DOK6: variants seen among roughly 807,000 people sequenced by gnomAD.
DOK6 encodes the protein downstream of tyrosine kinase 6.
Under a neutral mutation model 44.0 loss-of-function variants are expected in DOK6, and 22 were observed. The observed-to-expected ratio is 0.50, with a 90% CI of 0.36 to 0.71. The LOEUF (loss-of-function observed/expected upper bound fraction) is 0.71. Among genes scored for constraint, DOK6 ranks in the 30% least tolerant of loss-of-function variants. DOK6 has a pLI of 0.00. For synonymous variants in DOK6, 166 were observed against 145.5 expected, an observed-to-expected ratio of 1.14 and a Z score of -1.01; for missense variants, 340 against 416.4, an observed-to-expected ratio of 0.82 and a Z score of 1.60.
chr18:69,670,729 C>T (rs1985777866), intron 3 of DOK6, among the ~76,000 whole-genome samples: 1 of 151,998 alleles, frequency 6.6e-6, no homozygotes, highest in Non-Finnish European at 1.5e-5. Flanking sequence ...AGGATGGTCT[C>T]AATCTCTTGA....
intron 1 of DOK6, among the ~76,000 whole-genome samples, chr18:69,540,961 G>A (rs560291730): frequency 3.7e-4 from 57 of 152,106 alleles, no homozygotes; most frequent in Non-Finnish European, 7.2e-4. Flanking sequence ...GCAGAAATTC[G>A]CCATTAAGTT....
intron 1 of DOK6, among the ~76,000 whole-genome samples, chr18:69,447,851 G>C (rs1302858855): frequency 2.0e-5 from 3 of 152,136 alleles, no homozygotes; most frequent in African/African-American, 4.8e-5. Flanking sequence ...TTCTTCCCTG[G>C]AGTTTGGTTA....
At chr18:69,752,262 A>T (rs986188269) in intron 6 of DOK6, among the ~76,000 whole-genome samples, 7 of 152,170 alleles carry the variant, frequency 4.6e-5, no homozygotes, top group African/African-American at 1.7e-4. Flanking sequence ...TTTTTTAAAA[A>T]ATCCTACAAG....
At chr18:69,554,667 A>G (rs1453514763) in intron 1 of DOK6, among the ~76,000 whole-genome samples, 1 of 152,196 alleles carries the variant, frequency 6.6e-6, no homozygotes, top group African/African-American at 2.4e-5. Flanking sequence ...TAGAATTGCT[A>G]GAGCCTGTGT....
intron 3 of DOK6, among the ~76,000 whole-genome samples, chr18:69,629,629 A>G (rs1299927903): frequency 6.6e-6 from 1 of 152,200 alleles, no homozygotes; most frequent in Non-Finnish European, 1.5e-5. Context: ...TATATCTCCA[A>G]TCACAACTCA....
chr18:69,521,841 A>T (rs1981695553), intron 1 of DOK6, among the ~76,000 whole-genome samples: 1 of 152,024 alleles, frequency 6.6e-6, no homozygotes, highest in Non-Finnish European at 1.5e-5. Context: ...TATGCTAATT[A>T]TCTTGATTTG....
At chr18:69,807,417 A>G (rs1456819488) in intron 7 of DOK6, among the ~76,000 whole-genome samples, 2 of 151,980 alleles carry the variant, frequency 1.3e-5, no homozygotes, top group African/African-American at 4.8e-5. Flanking sequence ...AACAATTAGC[A>G]AAATAGCAGT....
rs144664332 is a variant in DOK6 at position 69,618,151 on chromosome 18, C to G, written c.289+18653C>G. Among the ~76,000 whole-genome samples the G allele has an allele frequency of 2.6e-3, 393 of 152,232 alleles. 2 individuals are homozygous for G. Among genetic ancestry groups the G allele is most frequent in the African/African-American group, 9.0e-3 (372 of 41,528 alleles). ...ATGGGAAAGATTCTCCCTCAGCCCT[C>G]CAGAAGAAGCCAACCATGCACTTAG... is the stretch of plus-strand genomic sequence containing the variant. On this transcript the variant is annotated intron_variant, in intron 3 of 7. Coordinates refer to ENST00000382713, the MANE Select transcript of DOK6 (RefSeq NM_152721.6).
At position 69,797,128 on chromosome 18, in the gene DOK6, C is replaced by A. The variant is rs561722229; in HGVS notation, c.856+39255C>A. Among the ~76,000 whole-genome samples the A allele has an allele frequency of 1.2e-3, 175 of 152,094 alleles. 3 individuals are homozygous for A. Among genetic ancestry groups the A allele is most frequent in the Admixed American group, 3.9e-4 (6 of 15,234 alleles). On this transcript the variant is annotated intron_variant, in intron 7 of 7. Coordinates refer to ENST00000382713, the MANE Select transcript of DOK6 (RefSeq NM_152721.6). ...ATCAGGAAATAATTAGAAAGCAATA[C>A]TTTACACCTGCACAAAACCTGCCCC... is the stretch of plus-strand genomic sequence containing the variant.
At chr18:69,401,667 G>A (rs1916103071) in intron 1 of DOK6, among the ~76,000 whole-genome samples, 1 of 152,188 alleles carries the variant, frequency 6.6e-6, no homozygotes, top group African/African-American at 2.4e-5. Flanking sequence ...AAAAGTGTGC[G>A]CCTTTCGGGT....
intron 1 of DOK6, among the ~76,000 whole-genome samples, chr18:69,549,309 C>G (rs892375972): frequency 6.6e-6 from 1 of 151,356 alleles, no homozygotes; most frequent in African/African-American, 2.4e-5. Context: ...CTTATGGGAG[C>G]TGCCATATTT....
intron 3 of DOK6, among the ~76,000 whole-genome samples, chr18:69,642,977 C>T (rs988839646): frequency 6.6e-6 from 1 of 152,156 alleles, no homozygotes; most frequent in African/African-American, 2.4e-5. Flanking sequence ...TCATTACTTT[C>T]CTATTTTTAG....
Position 69,846,913 on chromosome 18 carries a change from T to A in DOK6, c.*5530T>A, listed in dbSNP as rs1355551369. 6.6e-6 allele frequency: 1 copy of A among 152,196 alleles called. No homozygotes were observed. Among genetic ancestry groups the A allele is most frequent in the East Asian group, 1.9e-4 (1 of 5,198 alleles). 9.4% of individuals were successfully genotyped at this position (152,196 alleles called of 1,614,324 possible). ...ACCTTATATATTAGGTTTTTCCTGA[T>A]AATCTTCAGTAGACAATGATTTAAA... is the stretch of plus-strand genomic sequence containing the variant. On this transcript the variant is annotated 3_prime_UTR_variant, in exon 8 of 8. Transcript: ENST00000382713.
At chr18:69,469,866 C>T (rs1980044327) in intron 1 of DOK6, 3 of 234,014 alleles carry the variant, frequency 1.3e-5, no homozygotes, top group Non-Finnish European at 1.8e-5. Context: ...CTGTTTGTGC[C>T]GACCCTTCCC....
chr18:69,525,260 A>G (rs932778892), intron 1 of DOK6, among the ~76,000 whole-genome samples: 1 of 151,946 alleles, frequency 6.6e-6, no homozygotes, highest in Non-Finnish European at 1.5e-5. Context: ...CTCAAATGTC[A>G]AATTATTCTA....
rs1555701492 is a variant in DOK6 at position 69,435,029 on chromosome 18, A to AGGAAGGAC, written c.66+33726_66+33727insCGGAAGGA. Reference sequence around the variant, plus strand: ...AAAGATTAGTGTAGGGAGGGAGGGAAGGAAGGAAGGAAGGAAGGAAGGAAG... The same window carrying AGGAAGGAC: ...AAAGATTAGTGTAGGGAGGGAGGGAAGGAAGGACGGAAGGAAGGAAGGAAGGAAGGAAG... On this transcript the variant is annotated intron_variant, in intron 1 of 7. Transcript: ENST00000382713. Among the ~76,000 whole-genome samples, 81 of 44,096 alleles carry AGGAAGGAC rather than the reference A, an allele frequency of 1.8e-3. 1 individual carries two copies. Among genetic ancestry groups the AGGAAGGAC allele is most frequent in the African/African-American group, 5.0e-3 (63 of 12,584 alleles). 28.9% of individuals were successfully genotyped at this position (44,096 alleles called of 152,430 possible). A position where few individuals can be genotyped will look rare whatever the true frequency, so the allele number is the denominator to read the frequency against.
rs1042951111 is a variant in DOK6 at position 69,578,768 on chromosome 18, G to A, written c.174+14174G>A. Among the ~76,000 whole-genome samples, 18 of 152,152 alleles carry A rather than the reference G, an allele frequency of 1.2e-4. No homozygotes were observed. In the East Asian group the frequency reaches 2.3e-3, roughly 20 times the overall value. On this transcript the variant is annotated intron_variant, in intron 2 of 7. Coordinates refer to ENST00000382713, the MANE Select transcript of DOK6 (RefSeq NM_152721.6). ...GAATAAATTGTTTCCTACCATTAAT[G>A]GAAAGTTATATATTACACTTTAAGT...
intron 1 of DOK6, among the ~76,000 whole-genome samples, chr18:69,543,565 C>T (rs901696981): frequency 2.6e-5 from 4 of 151,452 alleles, no homozygotes; most frequent in African/African-American, 7.3e-5. Context: ...TGTAAGTTTT[C>T]CCAACTTTTA....
At chr18:69,522,340 A>G (rs1981711248) in intron 1 of DOK6, among the ~76,000 whole-genome samples, 1 of 151,968 alleles carries the variant, frequency 6.6e-6, no homozygotes, top group Admixed American at 6.6e-5. Context: ...ATAAAGCTTT[A>G]TTTGGAACTT....
Sources: gnomAD v4.1 joint callset for allele counts (sites outside exome capture counted in the v4.1 genomes callset) on GRCh38, gnomAD v4.1.1 for gene constraint, MANE v1.5 for transcripts, NCBI Gene and HGNC (gene_info 2026-07-23, HGNC 2026-07-21) for gene names.